The following SMC5 variants were observed in gnomAD, a reference collection of about 807,000 sequenced individuals.
The protein encoded by SMC5 is structural maintenance of chromosomes 5.
SMC5 carries 88 observed loss-of-function variants against 148.3 expected under a neutral mutation model. The observed-to-expected ratio is 0.59, with a 90% CI of 0.50 to 0.71. The LOEUF is 0.71. Among genes scored for constraint, SMC5 ranks in the 30% least tolerant of loss-of-function variants. The pLI is 0.00. For missense variants in SMC5, 1,142 were observed against 1,298.9 expected, an observed-to-expected ratio of 0.88 and a Z score of 1.86; for synonymous variants, 421 against 432.8, an observed-to-expected ratio of 0.97 and a Z score of 0.34.
chr9:70,268,516 G>C (rs1199796890), intron 3 of SMC5, among the ~76,000 whole-genome samples: 1 of 150,228 alleles, frequency 6.7e-6, no homozygotes, highest in South Asian at 2.1e-4. Context: ...GAAATGATAA[G>C]TTTATAGCAG....
intron 17 of SMC5, among the ~76,000 whole-genome samples, chr9:70,332,279 G>A (rs1371602406): frequency 1.3e-5 from 2 of 152,098 alleles, no homozygotes; most frequent in African/African-American, 4.8e-5. Flanking sequence ...CCGGCACTTT[G>A]GGAGGCCGAG....
chr9:70,279,765 C>T (rs1173194210), intron 5 of SMC5, among the ~76,000 whole-genome samples: 2 of 143,092 alleles, frequency 1.4e-5, no homozygotes, highest in African/African-American at 2.6e-5. Flanking sequence ...TGTAGTGAGC[C>T]GAGAACACGC....
At chr9:70,323,013 ACAGCACC>A (rs1426523604) in intron 15 of SMC5, among the ~76,000 whole-genome samples, 8 of 151,768 alleles carry the variant, frequency 5.3e-5, no homozygotes, top group Admixed American at 4.6e-4. Flanking sequence ...GCCACTCTCT[ACAGCACC>A]CGCTGAATTT....
intron 15 of SMC5, among the ~76,000 whole-genome samples, chr9:70,321,948 A>G (rs932448974): frequency 6.6e-6 from 1 of 152,172 alleles, no homozygotes; most frequent in African/African-American, 2.4e-5. Context: ...CTAAAGATAG[A>G]TATTAGTGAC....
At chr9:70,281,861 T>G (rs1423372848) in intron 6 of SMC5, among the ~76,000 whole-genome samples, 1 of 152,062 alleles carries the variant, frequency 6.6e-6, no homozygotes, top group Non-Finnish European at 1.5e-5. Flanking sequence ...ATTTTTCTTC[T>G]TTTTTGATGT....
At chr9:70,317,563 A>T (rs986522948) in intron 13 of SMC5, among the ~76,000 whole-genome samples, 1 of 152,090 alleles carries the variant, frequency 6.6e-6, no homozygotes. Context: ...TTACTTCTTC[A>T]CTTAGACTAT....
chr9:70,313,082 T>G (rs1186124871), intron 11 of SMC5, among the ~76,000 whole-genome samples: 1 of 152,228 alleles, frequency 6.6e-6, no homozygotes, highest in African/African-American at 2.4e-5. Context: ...ATAAAGGCTA[T>G]TTCAGCTTCT....
At chr9:70,285,744 A>G (rs559025111) in intron 7 of SMC5, among the ~76,000 whole-genome samples, 10 of 152,302 alleles carry the variant, frequency 6.6e-5, no homozygotes, top group Admixed American at 3.3e-4. Flanking sequence ...ATAATATGTC[A>G]TGTATGTGTT....
intron 1 of SMC5, among the ~76,000 whole-genome samples, chr9:70,260,632 G>T (rs1434445682): frequency 6.6e-6 from 1 of 152,142 alleles, no homozygotes; most frequent in Non-Finnish European, 1.5e-5. Context: ...TTTGAATCCA[G>T]ATCAGGAAAG....
At chr9:70,325,831 A>C (rs1218436375) in intron 17 of SMC5, among the ~76,000 whole-genome samples, 1 of 152,160 alleles carries the variant, frequency 6.6e-6, no homozygotes, top group Non-Finnish European at 1.5e-5. Flanking sequence ...GAGATATTCA[A>C]AATTATTTAT....
rs1168734000 is a variant in SMC5, at chr9:70,320,395, T to C, written c.2150+1432T>C. ...GCAACATGGCAAGACCTCATCTCTT[T>C]AGGCAGGGCAGGGAGGAGGGAAGAA... On this transcript the variant is annotated intron_variant, in intron 15 of 24. Transcript: ENST00000361138. 2.0e-5 allele frequency among the ~76,000 whole-genome samples: 3 copies of C among 152,212 alleles called. No individual in the cohort carries two copies. In the East Asian group the frequency reaches 5.8e-4, roughly 29 times the overall value.
intron 24 of SMC5, 65 bp downstream of exon 24, chr9:70,350,536 T>A: frequency 8.9e-7 from 1 of 1,120,350 alleles, no homozygotes. Flanking sequence ...AATCATACAG[T>A]TTTTGTCCCA....
chr9:70,276,440 T>C (rs986171114), intron 3 of SMC5, among the ~76,000 whole-genome samples: 1 of 152,232 alleles, frequency 6.6e-6, no homozygotes, highest in Non-Finnish European at 1.5e-5. Context: ...TGTTTTAATA[T>C]TTTATTATTT....
chr9:70,352,662 A>G lies in SMC5; in HGVS notation c.*331A>G. 1 of 192,594 alleles carries G rather than the reference A, an allele frequency of 5.2e-6. No individual in the cohort carries two copies. Among genetic ancestry groups the G allele is most frequent in the Non-Finnish European group, 1.1e-5 (1 of 93,628 alleles). The allele number at this position is 192,594 out of a possible 1,614,324, so 11.9% of individuals were successfully genotyped here. A position where few individuals can be genotyped will look rare whatever the true frequency, so the allele number is the denominator to read the frequency against. ...AATCACAAGAAGTTACTTATATGGT[A>G]GCCCTGAGCTTTAATTGCAGAGTAA... is the stretch of plus-strand genomic sequence containing the variant. On this transcript the variant is annotated 3_prime_UTR_variant, in exon 25 of 25. Transcript: ENST00000361138.
intron 8 of SMC5, among the ~76,000 whole-genome samples, chr9:70,290,966 T>C (rs1330246624): frequency 1.1e-4 from 17 of 152,182 alleles, no homozygotes; most frequent in Admixed American, 1.1e-3. Flanking sequence ...GGGCCATACT[T>C]TTTCCTTTAT....
At chr9:70,302,020 TCA>T (rs1324498580) in intron 10 of SMC5, among the ~76,000 whole-genome samples, 1 of 152,138 alleles carries the variant, frequency 6.6e-6, no homozygotes, top group African/African-American at 2.4e-5. Context: ...TTCCCTGAAC[TCA>T]CAAACAGAGG....
chr9:70,339,486 A>G (rs2036460018), intron 17 of SMC5, among the ~76,000 whole-genome samples: 1 of 151,494 alleles, frequency 6.6e-6, no homozygotes, highest in South Asian at 2.1e-4. Flanking sequence ...GAATAGGTGT[A>G]TGATAGTTCA....
chr9:70,278,645 C>G lies in SMC5; in HGVS notation c.678+20C>G. The G allele has an allele frequency of 6.3e-7, 1 of 1,585,912 alleles. No individual in the cohort carries two copies. The highest frequency in any genetic ancestry group is 8.5e-7 in the Non-Finnish European group (1 of 1,170,880). On this transcript the variant is annotated intron_variant, in intron 5 of 24. Coordinates refer to ENST00000361138, the MANE Select transcript of SMC5 (RefSeq NM_015110.4). ...CTCGAGGTACTTTAAATAGACAACTCATTTGTATTGTTTCTTATTGATTTC... is the reference window on the plus strand; with the variant it reads ...CTCGAGGTACTTTAAATAGACAACTGATTTGTATTGTTTCTTATTGATTTC...
intron 20 of SMC5, 107 bp downstream of exon 20, chr9:70,347,268 G>A (rs1388439651): frequency 4.0e-6 from 3 of 750,980 alleles, no homozygotes; most frequent in African/African-American, 3.6e-5. Flanking sequence ...CTCCCACTCT[G>A]TACTAGAGCT....
Sources: gnomAD v4.1 joint callset for allele counts (sites outside exome capture counted in the v4.1 genomes callset) on GRCh38, gnomAD v4.1.1 for gene constraint, MANE v1.5 for transcripts, NCBI Gene and HGNC (gene_info 2026-07-23, HGNC 2026-07-21) for gene names.